MEIS1: variants seen among roughly 807,000 people sequenced by gnomAD.
The protein encoded by MEIS1 is Meis homeobox 1, also known as homeobox protein Meis1.
A neutral mutation model predicts 50.8 loss-of-function variants in MEIS1; 5 were observed. The ratio of observed to expected loss-of-function variants is 0.10; its 90% CI spans 0.05 to 0.21. The LOEUF (loss-of-function observed/expected upper bound fraction) is 0.21. MEIS1 is among the 10% of genes least tolerant of loss of function. The probability of loss-of-function intolerance (pLI) is 1.00; values close to 1 mark genes in which losing one functional copy is unlikely to be tolerated. For synonymous variants in MEIS1, 176 were observed against 179.3 expected, an observed-to-expected ratio of 0.98 and a Z score of 0.15; for missense variants, 318 against 517.3, an observed-to-expected ratio of 0.61 and a Z score of 3.74.
rs545488883 is a variant in MEIS1, at chr2:66,543,152, G to A, written c.889-4791G>A. 6.4e-4 allele frequency among the ~76,000 whole-genome samples: 97 copies of A among 152,206 alleles called. 1 individual carries two copies. The highest frequency in any genetic ancestry group is 4.1e-3 in the South Asian group (20 of 4,822). On this transcript the variant is annotated intron_variant, in intron 8 of 12. Transcript: ENST00000272369. The stretch of plus-strand genomic sequence containing the variant: ...TTCTGTCACTTTCTATTTGCGGCTG[G>A]TAAAATGACAGCTCAGGCTTAACTT...
At chr2:66,503,134 G>A (rs1014493056) in intron 7 of MEIS1, among the ~76,000 whole-genome samples, 2 of 152,172 alleles carry the variant, frequency 1.3e-5, no homozygotes, top group African/African-American at 2.4e-5. Context: ...GAACTAGAAA[G>A]AGACTGGGAA....
chr2:66,555,375 T>A lies in MEIS1; in HGVS notation c.965+7356T>A, dbSNP rs373729003. On this transcript the variant is annotated intron_variant, in intron 9 of 12. Transcript: ENST00000272369. ...CGTATTACATTCCATAAATCCTGTA[T>A]GTAAGAGCAGATTTGAAACTCACTA... 1.1e-3 allele frequency among the ~76,000 whole-genome samples: 160 copies of A among 150,146 alleles called. No individual in the cohort carries two copies. In the Middle Eastern group the frequency reaches 0.014, roughly 13 times the overall value.
intron 3 of MEIS1, 153 bp downstream of exon 3, chr2:66,440,137 T>C: frequency 1.3e-6 from 1 of 764,132 alleles, no homozygotes; most frequent in Non-Finnish European, 2.0e-6. Context: ...CCTTAAGCCA[T>C]GCATGTTACC....
chr2:66,477,707 A>G (rs1272039672), intron 7 of MEIS1, among the ~76,000 whole-genome samples: 2 of 152,160 alleles, frequency 1.3e-5, no homozygotes, highest in Non-Finnish European at 2.9e-5. Context: ...TTTGCTTGAC[A>G]ACTGATTGAT....
chr2:66,440,713 G>T, intron 4 of MEIS1, 101 bp downstream of exon 4: 1 of 778,154 alleles, frequency 1.3e-6, no homozygotes, highest in East Asian at 2.8e-5. Context: ...TTCTAGACCG[G>T]TCTTCCCGTG....
chr2:66,435,955 T>TC (rs1671787221), intron 1 of MEIS1, 87 bp downstream of exon 1: 1 of 1,239,508 alleles, frequency 8.1e-7, no homozygotes, highest in Middle Eastern at 1.9e-4. Context: ...TTTCCTTTTT[T>TC]TCTCTCTCTC....
At chr2:66,570,891 T>C (rs1404215426) in intron 12 of MEIS1, 2 of 222,306 alleles carry the variant, frequency 9.0e-6, no homozygotes, top group Admixed American at 6.0e-5. Flanking sequence ...GCCTGTGAGA[T>C]GTTTGGTGAC....
intron 9 of MEIS1, among the ~76,000 whole-genome samples, chr2:66,558,035 T>A (rs1157385348): frequency 6.6e-6 from 1 of 151,738 alleles, no homozygotes; most frequent in Non-Finnish European, 1.5e-5. Context: ...ATCCCAGCAT[T>A]TTGGGAGGCC....
At chr2:66,509,796 G>A (rs1198616594) in intron 7 of MEIS1, among the ~76,000 whole-genome samples, 2 of 152,294 alleles carry the variant, frequency 1.3e-5, no homozygotes, top group Non-Finnish European at 2.9e-5. Flanking sequence ...TGAGGTAATG[G>A]GAAGCTAAGG....
rs1016501426 is a variant in MEIS1, at chr2:66,572,692, C to A, written c.*1484C>A. On this transcript the variant is annotated 3_prime_UTR_variant, in exon 13 of 13. Coordinates refer to ENST00000272369, the MANE Select transcript of MEIS1 (RefSeq NM_002398.3). ...TTTGGATTGTATAATAACGCCAAGCCCAGTTGTAGTCGTTTGAGTGCAGTA... is the reference window on the plus strand; with the variant it reads ...TTTGGATTGTATAATAACGCCAAGCACAGTTGTAGTCGTTTGAGTGCAGTA... The A allele has an allele frequency of 3.9e-5, 6 of 151,984 alleles. No homozygotes were observed. Among genetic ancestry groups the A allele is most frequent in the Non-Finnish European group, 4.4e-5 (3 of 68,012 alleles). 9.4% of individuals were successfully genotyped at this position (151,984 alleles called of 1,614,324 possible).
chr2:66,552,950 A>G (rs1674956625), intron 9 of MEIS1, among the ~76,000 whole-genome samples: 2 of 152,152 alleles, frequency 1.3e-5, no homozygotes, highest in Non-Finnish European at 1.5e-5. Context: ...TTAATAATAC[A>G]TTTTACAGAT....
chr2:66,550,624 G>T (rs1253429805), intron 9 of MEIS1, among the ~76,000 whole-genome samples: 1 of 151,856 alleles, frequency 6.6e-6, no homozygotes, highest in Non-Finnish European at 1.5e-5. Context: ...AGCCTCCCCA[G>T]TAGTTGGGAA....
At chr2:66,452,778 T>C (rs1558524143) in intron 6 of MEIS1, among the ~76,000 whole-genome samples, 1 of 151,966 alleles carries the variant, frequency 6.6e-6, no homozygotes, top group African/African-American at 2.4e-5. Context: ...GTTTGTGTAT[T>C]TGGTGGCTTG....
chr2:66,481,088 G>A (rs1249207804), intron 7 of MEIS1, among the ~76,000 whole-genome samples: 1 of 152,198 alleles, frequency 6.6e-6, no homozygotes, highest in Non-Finnish European at 1.5e-5. Flanking sequence ...AGAGAGGCAA[G>A]TCTGCTGCCT....
chr2:66,462,539 A>G (rs774962375), intron 6 of MEIS1, among the ~76,000 whole-genome samples: 10 of 152,208 alleles, frequency 6.6e-5, no homozygotes, highest in Non-Finnish European at 1.2e-4. Context: ...TGTGCCTGGC[A>G]TTGTCTGTCC....
chr2:66,567,649 C>A, intron 10 of MEIS1, 138 bp downstream of exon 10: 1 of 769,440 alleles, frequency 1.3e-6, no homozygotes, highest in South Asian at 1.5e-5. Context: ...AAACCAGTTT[C>A]GTTTCATAAC....
At position 66,568,696 on chromosome 2, in the gene MEIS1, G is replaced by C; in HGVS notation, c.1054G>C (p.Gly352Arg). Reference sequence around the variant, plus strand: ...TCAAGGAACACCTTATAATCCTGATGGACAGCCCATGGGAGGTTTCGTAAT... The same window carrying C: ...TCAAGGAACACCTTATAATCCTGATCGACAGCCCATGGGAGGTTTCGTAAT... Reference protein sequence around the residue: ...VSQGTPYNPDGQPMGGFVMDG... With the variant: ...VSQGTPYNPDRQPMGGFVMDG... The change falls in exon 11 of 13, where the codon GGA becomes CGA. Residue 352 changes from glycine to arginine, a missense_variant. Gly to Arg is a moderately radical substitution (Grantham distance 125). Transcript: ENST00000272369. 2 of 1,613,710 alleles carry C rather than the reference G, an allele frequency of 1.2e-6. No individual in the cohort carries two copies. The highest frequency in any genetic ancestry group is 1.3e-5 in the African/African-American group (1 of 75,008).
At chr2:66,472,572 G>A (rs995184613) in intron 7 of MEIS1, among the ~76,000 whole-genome samples, 2 of 152,130 alleles carry the variant, frequency 1.3e-5, no homozygotes, top group African/African-American at 4.8e-5. Flanking sequence ...GCTAAATATT[G>A]GATATTCTTA....
At chr2:66,559,853 A>G (rs2110973) in intron 9 of MEIS1, among the ~76,000 whole-genome samples, 151,188 of 152,288 alleles carry the variant, frequency 0.99, 75,055 homozygotes, top group Middle Eastern at 1. Context: ...CCGGAATGCC[A>G]TGGTGTGATC....
Sources: allele counts gnomAD v4.1 joint callset (sites outside exome capture counted in the v4.1 genomes callset), GRCh38; gene constraint gnomAD v4.1.1; transcripts MANE v1.5; gene names NCBI Gene and HGNC (gene_info 2026-07-23, HGNC 2026-07-21).